The following EVC variants were observed in gnomAD, a reference collection of about 807,000 sequenced individuals.
The protein encoded by EVC is EvC ciliary complex subunit 1.
In EVC, 116 loss-of-function variants were observed where a neutral mutation model predicts 118.9. The observed-to-expected ratio is 0.98, with a 90% CI of 0.84 to 1.14. The LOEUF is 1.14. Among genes scored for constraint, EVC ranks in the 50% most tolerant of loss-of-function variants. The probability of loss-of-function intolerance (pLI) is 0.00; values close to 1 mark genes in which losing one functional copy is unlikely to be tolerated. For synonymous variants in EVC, 619 were observed against 534.7 expected, an observed-to-expected ratio of 1.16 and a Z score of -2.18; for missense variants, 1,401 against 1,246.4, an observed-to-expected ratio of 1.12 and a Z score of -1.87.
intron 8 of EVC, among the ~76,000 whole-genome samples, chr4:5,748,667 TCCATCCATCCATCCACCCAC>T (rs1422539769): frequency 9.3e-6 from 1 of 108,022 alleles, no homozygotes; most frequent in Non-Finnish European, 1.8e-5. Context: ...CATCCATCCC[TCCATCCATCCATCCACCCAC>T]CCATCCATCC....
intron 14 of EVC, 135 bp downstream of exon 14, chr4:5,797,367 GCTGC>G (rs1201498362): frequency 3.0e-5 from 23 of 762,502 alleles, no homozygotes; most frequent in Non-Finnish European, 4.9e-5. Context: ...ATTCGCCGGG[GCTGC>G]CATAGCAAGG....
intron 1 of EVC, 45 bp downstream of exon 1, chr4:5,711,599 G>T: frequency 8.6e-7 from 1 of 1,159,828 alleles, no homozygotes. Context: ...AGCGCGGGGC[G>T]CGTGGCTTCT....
At chr4:5,826,230 G>A in the EVC span, 1 of 140,078 alleles carries the variant, frequency 7.1e-6, no homozygotes, top group Non-Finnish European at 1.5e-5. Flanking sequence ...CCCCCGGAAA[G>A]GACCCCTGAG....
chr4:5,748,023 A>G, intron 7 of EVC, 125 bp from the exon 8 acceptor site: 1 of 1,077,998 alleles, frequency 9.3e-7, no homozygotes, highest in Non-Finnish European at 1.4e-6. Flanking sequence ...ACTCACTGAA[A>G]CTGTAGAATT....
intron 19 of EVC, among the ~76,000 whole-genome samples, chr4:5,810,020 C>A (rs1263892053): frequency 5.9e-5 from 9 of 152,204 alleles, no homozygotes; most frequent in African/African-American, 2.2e-4. Context: ...CACACTGGTG[C>A]TGGGTTTTCA....
chr4:5,824,983 T>C, the EVC span: 153 of 985,358 alleles, frequency 1.6e-4, no homozygotes, highest in Non-Finnish European at 1.8e-4. Context: ...ACTGGATTTC[T>C]TGGGGCTTCC....
At chr4:5,757,829 T>A (rs2152104421) in intron 11 of EVC, among the ~76,000 whole-genome samples, 1 of 147,238 alleles carries the variant, frequency 6.8e-6, no homozygotes, top group Non-Finnish European at 1.5e-5. Context: ...ACATAAGAAT[T>A]TGATTACTTA....
intron 5 of EVC, among the ~76,000 whole-genome samples, chr4:5,739,307 AG>A (rs2151980720): frequency 6.6e-6 from 1 of 152,340 alleles, no homozygotes; most frequent in South Asian, 2.1e-4. Context: ...GTAGAAAGCC[AG>A]GACACCACTT....
At chr4:5,804,503 G>A (rs1388919384) in intron 16 of EVC, among the ~76,000 whole-genome samples, 1 of 152,204 alleles carries the variant, frequency 6.6e-6, no homozygotes, top group African/African-American at 2.4e-5. Context: ...GAAAGCTACA[G>A]GTGGAGCAGG....
intron 5 of EVC, among the ~76,000 whole-genome samples, chr4:5,739,167 C>G (rs1345245315): frequency 6.6e-6 from 1 of 152,076 alleles, no homozygotes; most frequent in Non-Finnish European, 1.5e-5. Flanking sequence ...AAAGTTGGCA[C>G]TATGGAAAGG....
At chr4:5,773,143 A>T (rs184187744) in intron 11 of EVC, among the ~76,000 whole-genome samples, 1 of 152,288 alleles carries the variant, frequency 6.6e-6, no homozygotes, top group East Asian at 1.9e-4. Flanking sequence ...AAATGAACGT[A>T]TGCATGCTGT....
chr4:5,797,428 A>G, intron 14 of EVC, 196 bp downstream of exon 14: 1 of 617,086 alleles, frequency 1.6e-6, no homozygotes, highest in Non-Finnish European at 2.9e-6. Flanking sequence ...CCTGCTCACC[A>G]TCCTGGAGGC....
chr4:5,766,454 T>C (rs562197743), intron 11 of EVC, among the ~76,000 whole-genome samples: 1 of 128,166 alleles, frequency 7.8e-6, no homozygotes, highest in Non-Finnish European at 1.7e-5. Flanking sequence ...TTGGCCTGCC[T>C]TGCTAGATTG....
downstream of EVC, chr4:5,814,406 A>T (rs3755848): frequency 0.11 from 17,247 of 152,132 alleles, 1,266 homozygotes; most frequent in East Asian, 0.23. Flanking sequence ...CTGGCCAACC[A>T]GGGGTCACGT....
intron 12 of EVC, among the ~76,000 whole-genome samples, chr4:5,792,744 C>G (rs1180419839): frequency 6.6e-6 from 1 of 152,118 alleles, no homozygotes; most frequent in Non-Finnish European, 1.5e-5. Context: ...TATACGAAAT[C>G]AGTATCCCAA....
downstream of EVC, among the ~76,000 whole-genome samples, chr4:5,815,912 T>A (rs1717599843): frequency 6.6e-6 from 1 of 151,458 alleles, no homozygotes; most frequent in Non-Finnish European, 1.5e-5. Flanking sequence ...CTGTGGCAAC[T>A]GGTTTGGAAG....
At chr4:5,804,949 C>A in intron 17 of EVC, 108 bp downstream of exon 17, 2 of 979,056 alleles carry the variant, frequency 2.0e-6, no homozygotes, top group Non-Finnish European at 3.2e-6. Flanking sequence ...TGCCCGTGGA[C>A]TTGGGGGCCA....
chr4:5,788,671 C>A (rs73075600), intron 12 of EVC, among the ~76,000 whole-genome samples: 6 of 152,312 alleles, frequency 3.9e-5, no homozygotes, highest in African/African-American at 1.4e-4. Flanking sequence ...ATTTTGCCTT[C>A]CGTCTAATCC....
rs975113723 is a variant in EVC, at chr4:5,729,454, G to A, written c.384+64G>A. On this transcript the variant is annotated intron_variant, in intron 3 of 20. Coordinates refer to ENST00000264956, the MANE Select transcript of EVC (RefSeq NM_153717.3). Reference sequence around the variant, plus strand: ...TCCGTCATGTGCCAGAGATTGGGAGGAAAGTGGGGGGATTAACTGTGTGAT... The same window carrying A: ...TCCGTCATGTGCCAGAGATTGGGAGAAAAGTGGGGGGATTAACTGTGTGAT... The A allele has an allele frequency of 2.8e-6, 4 of 1,443,682 alleles. No homozygotes were observed. The East Asian group carries it at 6.8e-5, about 25-fold the overall frequency. 89.4% of individuals were successfully genotyped at this position (1,443,682 alleles called of 1,614,324 possible).
Sources: allele counts gnomAD v4.1 joint callset (sites outside exome capture counted in the v4.1 genomes callset), GRCh38; gene constraint gnomAD v4.1.1; transcripts MANE v1.5; gene names NCBI Gene and HGNC (gene_info 2026-07-23, HGNC 2026-07-21).